Variants in CTNNA3 observed in about 807,000 individuals in gnomAD.
CTNNA3 encodes the protein catenin alpha-3.
CTNNA3 carries 76 observed loss-of-function variants against 95.7 expected under a neutral mutation model. The ratio of observed to expected loss-of-function variants is 0.79; its 90% CI spans 0.66 to 0.96. The LOEUF (loss-of-function observed/expected upper bound fraction) is 0.96, where lower values mean the gene tolerates loss of function less well. CTNNA3 is among the 40% of genes least tolerant of loss of function. The pLI is 0.00. For missense variants in CTNNA3, 1,191 were observed against 1,089.8 expected (o/e 1.09, Z -1.31); for synonymous variants, 431 against 374.4 (o/e 1.15, Z -1.74).
intron 5 of CTNNA3, among the ~76,000 whole-genome samples, chr10:67,457,866 G>A (rs563883238): frequency 8.5e-5 from 13 of 152,108 alleles, no homozygotes; most frequent in Non-Finnish European, 1.2e-4. Flanking sequence ...TGATTACACC[G>A]GACCCACCCA....
intron 3 of CTNNA3, among the ~76,000 whole-genome samples, chr10:67,548,587 T>A (rs1187302369): frequency 6.6e-6 from 1 of 152,138 alleles, no homozygotes; most frequent in Non-Finnish European, 1.5e-5. Flanking sequence ...AATTGCTATC[T>A]CAGAAATAAA....
intron 9 of CTNNA3, among the ~76,000 whole-genome samples, chr10:66,636,050 G>A (rs916198908): frequency 1.3e-5 from 2 of 149,616 alleles, no homozygotes; most frequent in African/African-American, 4.9e-5. Context: ...TGGAAGAGAG[G>A]CAAGCACATT....
intron 12 of CTNNA3, among the ~76,000 whole-genome samples, chr10:66,332,687 T>C (rs2092345438): frequency 1.3e-5 from 2 of 152,092 alleles, no homozygotes; most frequent in South Asian, 4.1e-4. Flanking sequence ...TCTAAAATTC[T>C]CTTTTTTTGT....
chr10:66,883,247 C>T (rs1472120297), intron 7 of CTNNA3, among the ~76,000 whole-genome samples: 1 of 152,088 alleles, frequency 6.6e-6, no homozygotes, highest in Non-Finnish European at 1.5e-5. Flanking sequence ...GTGCTCAGAT[C>T]CAGGACCTTA....
At chr10:66,304,195 T>G (rs771117898) in intron 12 of CTNNA3, among the ~76,000 whole-genome samples, 1 of 152,152 alleles carries the variant, frequency 6.6e-6, no homozygotes, top group Non-Finnish European at 1.5e-5. Flanking sequence ...GAAAACATGA[T>G]ATCATTTAGA....
intron 13 of CTNNA3, among the ~76,000 whole-genome samples, chr10:66,150,506 T>C (rs893785784): frequency 9.2e-5 from 14 of 151,916 alleles, no homozygotes; most frequent in Non-Finnish European, 2.1e-4. Context: ...TATTTTTAAT[T>C]TTTATAGATA....
intron 5 of CTNNA3, among the ~76,000 whole-genome samples, chr10:67,494,879 T>C (rs1838976661): frequency 6.6e-6 from 1 of 152,198 alleles, no homozygotes; most frequent in East Asian, 1.9e-4. Context: ...CTTCACTGGC[T>C]CAGGGCACCA....
Position 66,830,963 on chromosome 10 carries a change from A to G in CTNNA3, c.1048-55439T>C, listed in dbSNP as rs186881699. 6.6e-3 allele frequency among the ~76,000 whole-genome samples: 736 copies of G among 111,194 alleles called. 6 individuals carry two copies. Among genetic ancestry groups the G allele is most frequent in the African/African-American group, 0.022 (663 of 29,578 alleles). The allele number at this position is 111,194 out of a possible 152,430, so 72.9% of individuals were successfully genotyped here. The stretch of plus-strand genomic sequence containing the variant: ...GTCCTCAAAAAGTCATAAAAAAGGG[A>G]AAAAAAAGAATTTTTGTTTTATATG... On this transcript the variant is annotated intron_variant, in intron 7 of 17. Transcript: ENST00000433211.
intron 3 of CTNNA3, among the ~76,000 whole-genome samples, chr10:67,555,134 A>C (rs1004297377): frequency 6.6e-6 from 1 of 152,184 alleles, no homozygotes; most frequent in Admixed American, 6.5e-5. Context: ...TGGTACCAGT[A>C]CCATGCTGTT....
intron 17 of CTNNA3, among the ~76,000 whole-genome samples, chr10:65,930,499 T>C (rs970983051): frequency 2.0e-5 from 3 of 152,184 alleles, no homozygotes; most frequent in Non-Finnish European, 4.4e-5. Flanking sequence ...ACATCTTGAC[T>C]AGGAAAATGT....
intron 5 of CTNNA3, among the ~76,000 whole-genome samples, chr10:67,443,893 A>G (rs946053633): frequency 2.6e-5 from 4 of 152,058 alleles, no homozygotes; most frequent in African/African-American, 9.7e-5. Flanking sequence ...CTGAATGGTA[A>G]TGCCTAGGTT....
chr10:67,529,854 C>T (rs1840272224), intron 4 of CTNNA3, among the ~76,000 whole-genome samples: 1 of 152,030 alleles, frequency 6.6e-6, no homozygotes. Context: ...AATTGTAACT[C>T]CCACAATTCC....
intron 11 of CTNNA3, among the ~76,000 whole-genome samples, chr10:66,401,522 C>CACACACACACAA (rs2093021085): frequency 1.9e-5 from 1 of 53,990 alleles, no homozygotes; most frequent in South Asian, 7.1e-4. Flanking sequence ...TCTCAAAACA[C>CACACACACACAA]ACACACACAC....
chr10:66,322,220 G>A (rs1237008453), intron 12 of CTNNA3, among the ~76,000 whole-genome samples: 2 of 152,086 alleles, frequency 1.3e-5, no homozygotes, highest in African/African-American at 2.4e-5. Flanking sequence ...AGAATAACTG[G>A]TAGCAGATCA....
chr10:66,144,735 G>A (rs1223555196), intron 13 of CTNNA3, among the ~76,000 whole-genome samples: 1 of 152,140 alleles, frequency 6.6e-6, no homozygotes, highest in Non-Finnish European at 1.5e-5. Flanking sequence ...TCATCCACCC[G>A]CATTGGCCTC....
intron 7 of CTNNA3, among the ~76,000 whole-genome samples, chr10:66,776,196 T>A (rs1045726217): frequency 6.6e-6 from 1 of 152,328 alleles, no homozygotes; most frequent in Admixed American, 6.5e-5. Context: ...TGGTATTTTC[T>A]ACATATTATT....
chr10:66,749,690 T>C (rs546933543), intron 9 of CTNNA3, among the ~76,000 whole-genome samples: 3 of 152,320 alleles, frequency 2.0e-5, no homozygotes, highest in South Asian at 4.1e-4. Context: ...GAGGTTCTAG[T>C]GTGGACATAA....
intron 6 of CTNNA3, among the ~76,000 whole-genome samples, chr10:67,203,442 G>T (rs1863737221): frequency 6.6e-6 from 1 of 152,060 alleles, no homozygotes. Flanking sequence ...CCAGTCTCAG[G>T]TATGTCTTTA....
intron 15 of CTNNA3, among the ~76,000 whole-genome samples, chr10:66,054,704 G>A (rs993988215): frequency 2.0e-5 from 3 of 151,974 alleles, no homozygotes; most frequent in Non-Finnish European, 2.9e-5. Context: ...TTCCTTTGCT[G>A]TGCAGAAGAA....
Sources: allele counts gnomAD v4.1 joint callset (sites outside exome capture counted in the v4.1 genomes callset), GRCh38; gene constraint gnomAD v4.1.1; transcripts MANE v1.5; gene names NCBI Gene and HGNC (gene_info 2026-07-23, HGNC 2026-07-21).